The following UNC79 variants were observed in gnomAD, a reference collection of about 807,000 sequenced individuals.
UNC79 encodes protein unc-79 homolog.
In UNC79, 37 loss-of-function variants were observed where a neutral mutation model predicts 283.1. The observed-to-expected ratio is 0.13, with a 90% CI of 0.10 to 0.17. The LOEUF (loss-of-function observed/expected upper bound fraction) is 0.17, where lower values mean the gene tolerates loss of function less well. Among genes scored for constraint, UNC79 ranks in the 10% least tolerant of loss-of-function variants. The probability of loss-of-function intolerance (pLI) is 1.00; values close to 1 mark genes in which losing one functional copy is unlikely to be tolerated. For synonymous variants in UNC79, 1,107 were observed against 1,200.2 expected, an observed-to-expected ratio of 0.92 and a Z score of 1.61; for missense variants, 2,272 against 3,211.1, an observed-to-expected ratio of 0.71 and a Z score of 7.07.
At chr14:93,584,916 C>T (rs1351983102) in intron 20 of UNC79, among the ~76,000 whole-genome samples, 1 of 151,602 alleles carries the variant, frequency 6.6e-6, no homozygotes, top group Admixed American at 6.6e-5. Context: ...AGGCCGGTCT[C>T]GAACTCCTGA....
At chr14:93,691,706 C>T in intron 45 of UNC79, 43 bp from the exon 49 acceptor site, 1 of 1,608,042 alleles carries the variant, frequency 6.2e-7, no homozygotes, top group Non-Finnish European at 8.5e-7. Flanking sequence ...GGGCCACAGC[C>T]TGCTGGGATG....
intron 14 of UNC79, among the ~76,000 whole-genome samples, chr14:93,567,286 C>T (rs1438391635): frequency 3.3e-5 from 5 of 152,166 alleles, no homozygotes; most frequent in African/African-American, 4.8e-5. Context: ...AGTGTAGTGG[C>T]GCAATCTCGG....
At chr14:93,389,768 C>T (rs921187948) in intron 1 of UNC79, among the ~76,000 whole-genome samples, 6 of 152,004 alleles carry the variant, frequency 3.9e-5, no homozygotes, top group African/African-American at 1.4e-4. Flanking sequence ...TTTCCTGCCT[C>T]AGCCTCCTGA....
chr14:93,394,918 G>A (rs2054964370), intron 1 of UNC79, among the ~76,000 whole-genome samples: 1 of 151,974 alleles, frequency 6.6e-6, no homozygotes, highest in Admixed American at 6.6e-5. Flanking sequence ...TCACTGTTTT[G>A]CCTAGGTTGG....
At chr14:93,540,792 C>T (rs769051221) in exon 13 of UNC79, 16 of 1,613,206 alleles carry the variant, frequency 9.9e-6, no homozygotes, top group East Asian at 6.7e-5. Flanking sequence ...ATGATAAACA[C>T]GATCAGAGGC....
chr14:93,614,043 T>TA (rs201790798), intron 27 of UNC79, among the ~76,000 whole-genome samples: 2,382 of 125,832 alleles, frequency 0.019, 19 homozygotes, highest in Middle Eastern at 0.048. Context: ...TCATGCACAG[T>TA]AAAAAAAAAA....
At chr14:93,378,935 A>G (rs2054613115) in intron 1 of UNC79, among the ~76,000 whole-genome samples, 1 of 152,204 alleles carries the variant, frequency 6.6e-6, no homozygotes, top group Non-Finnish European at 1.5e-5. Flanking sequence ...TCAAAAGGCC[A>G]GAATGTGGAG....
intron 1 of UNC79, among the ~76,000 whole-genome samples, chr14:93,353,362 CCAGCATATT>C (rs1248484957): frequency 6.6e-6 from 1 of 152,114 alleles, no homozygotes; most frequent in African/African-American, 2.4e-5. Flanking sequence ...GCCACTGTGC[CCAGCATATT>C]CAGCATATTC....
chr14:93,554,542 C>T (rs2062061623), intron 14 of UNC79, among the ~76,000 whole-genome samples: 1 of 152,076 alleles, frequency 6.6e-6, no homozygotes, highest in Non-Finnish European at 1.5e-5. Context: ...TAACCCTTTG[C>T]AAATTTTTTG....
At chr14:93,556,620 G>A (rs984887385) in intron 14 of UNC79, among the ~76,000 whole-genome samples, 3 of 151,638 alleles carry the variant, frequency 2.0e-5, no homozygotes, top group Admixed American at 1.3e-4. Context: ...GTCCTCTCAT[G>A]CAGGGCAGTG....
chr14:93,542,706 G>A lies in UNC79; in HGVS notation c.1755+10G>A, dbSNP rs2146505. ...CATGGAATTTGCCAGGGTAAGTGGA[G>A]GCCTACAGCTCACACCTTGTTAGAG... is the stretch of plus-strand genomic sequence containing the variant. On this transcript the variant is annotated intron_variant, in intron 14 of 48. Coordinates refer to ENST00000555664, the Ensembl canonical transcript of UNC79. 5.0e-3 allele frequency: 8,094 copies of A among 1,614,058 alleles called. 368 individuals are homozygous for A. In the African/African-American group the frequency reaches 0.096, roughly 19 times the overall value.
chr14:93,342,477 A>T (rs1439992687), intron 1 of UNC79, among the ~76,000 whole-genome samples: 4 of 152,120 alleles, frequency 2.6e-5, no homozygotes, highest in Non-Finnish European at 5.9e-5. Flanking sequence ...CTGTGATGGG[A>T]GGGGCTGCTG....
intron 1 of UNC79, among the ~76,000 whole-genome samples, chr14:93,449,618 TAAAAAA>T (rs755543140): frequency 4.4e-5 from 6 of 136,642 alleles, no homozygotes; most frequent in African/African-American, 1.6e-4. Context: ...ACCTTGTCTC[TAAAAAA>T]AAAAAAAGAA....
At chr14:93,581,071 C>G (rs577321760) in intron 19 of UNC79, among the ~76,000 whole-genome samples, 1 of 151,868 alleles carries the variant, frequency 6.6e-6, no homozygotes, top group Non-Finnish European at 1.5e-5. Context: ...GGTTGCCATA[C>G]CTTGCTGTCT....
intron 13 of UNC79, among the ~76,000 whole-genome samples, chr14:93,541,946 A>G (rs2061396963): frequency 6.9e-6 from 1 of 144,710 alleles, no homozygotes; most frequent in Non-Finnish European, 1.5e-5. Flanking sequence ...CGGAGCTTGC[A>G]GTGAGCCGAG....
At chr14:93,494,173 G>A in intron 5 of UNC79, among the ~76,000 whole-genome samples, 1 of 151,972 alleles carries the variant, frequency 6.6e-6, no homozygotes, top group Non-Finnish European at 1.5e-5. Context: ...GCCTCCCACA[G>A]TGCTGGGATT....
intron 1 of UNC79, among the ~76,000 whole-genome samples, chr14:93,357,874 GATAT>G (rs1246605951): frequency 3.0e-4 from 10 of 33,224 alleles, no homozygotes; most frequent in Non-Finnish European, 5.4e-4. Flanking sequence ...TGGATATATG[GATAT>G]ATATATGGAT....
intron 1 of UNC79, among the ~76,000 whole-genome samples, chr14:93,360,095 G>C (rs1474229356): frequency 6.6e-6 from 1 of 152,150 alleles, no homozygotes; most frequent in Non-Finnish European, 1.5e-5. Context: ...AGTGGGTCCA[G>C]TGGGTCCCTG....
chr14:93,563,158 T>C (rs1031974826), intron 14 of UNC79, among the ~76,000 whole-genome samples: 1 of 152,016 alleles, frequency 6.6e-6, no homozygotes, highest in African/African-American at 2.4e-5. Context: ...TGGGAAGAGA[T>C]TGATAGGTGG....
Sources: gnomAD v4.1 joint callset for allele counts (sites outside exome capture counted in the v4.1 genomes callset) on GRCh38, gnomAD v4.1.1 for gene constraint, MANE v1.5 for transcripts, NCBI Gene and HGNC (gene_info 2026-07-23, HGNC 2026-07-21) for gene names.